SH3RF3: variants seen among roughly 807,000 people sequenced by gnomAD.
SH3RF3 encodes the protein SH3 domain containing ring finger 3, also known as E3 ubiquitin-protein ligase SH3RF3.
A neutral mutation model predicts 66.3 loss-of-function variants in SH3RF3; 29 were observed. That is an observed-to-expected ratio of 0.44 (90% CI 0.33 to 0.60). The LOEUF (loss-of-function observed/expected upper bound fraction) is 0.60, where lower values mean the gene tolerates loss of function less well. Among genes scored for constraint, SH3RF3 ranks in the 20% least tolerant of loss-of-function variants. SH3RF3 has a pLI of 0.04. For synonymous variants in SH3RF3, 583 were observed against 532.0 expected (o/e 1.10, Z -1.32); for missense variants, 1,194 against 1,190.9 (o/e 1.00, Z -0.04).
chr2:109,167,396 A>C (rs1370132343), intron 1 of SH3RF3, among the ~76,000 whole-genome samples: 2 of 152,198 alleles, frequency 1.3e-5, no homozygotes, highest in African/African-American at 4.8e-5. Flanking sequence ...TTGATATAAA[A>C]GTATTGGGGA....
At chr2:109,188,202 C>A (rs1449496328) in intron 1 of SH3RF3, among the ~76,000 whole-genome samples, 1 of 152,240 alleles carries the variant, frequency 6.6e-6, no homozygotes, top group Non-Finnish European at 1.5e-5. Context: ...GCCCGAAGGG[C>A]TTTCCTGCTG....
At chr2:109,206,186 A>G (rs565649174) in intron 1 of SH3RF3, among the ~76,000 whole-genome samples, 1 of 152,158 alleles carries the variant, frequency 6.6e-6, no homozygotes, top group African/African-American at 2.4e-5. Context: ...ATTTTTAACT[A>G]TGGTCGAGAT....
At chr2:109,156,311 T>C (rs1423606014) in intron 1 of SH3RF3, among the ~76,000 whole-genome samples, 1 of 152,234 alleles carries the variant, frequency 6.6e-6, no homozygotes, top group Non-Finnish European at 1.5e-5. Context: ...TCTCCGCCCC[T>C]CGCATCTTCC....
At chr2:109,460,173 C>T (rs905357380) in intron 8 of SH3RF3, among the ~76,000 whole-genome samples, 9 of 152,158 alleles carry the variant, frequency 5.9e-5, no homozygotes, top group African/African-American at 1.2e-4. Flanking sequence ...TGTGGAATAC[C>T]GTGATGGTGG....
intron 1 of SH3RF3, among the ~76,000 whole-genome samples, chr2:109,271,504 A>T (rs115239373): frequency 6.6e-6 from 1 of 152,370 alleles, no homozygotes; most frequent in Non-Finnish European, 1.5e-5. Context: ...CTTTGCTGTC[A>T]GCCAACATGA....
At chr2:109,173,320 C>G (rs1353824387) in intron 1 of SH3RF3, among the ~76,000 whole-genome samples, 1 of 152,130 alleles carries the variant, frequency 6.6e-6, no homozygotes, top group African/African-American at 2.4e-5. Context: ...TCCTCAGACT[C>G]TCCTTCCTGT....
chr2:109,155,255 A>G (rs1164390381), intron 1 of SH3RF3, among the ~76,000 whole-genome samples: 1 of 152,152 alleles, frequency 6.6e-6, no homozygotes, highest in Non-Finnish European at 1.5e-5. Flanking sequence ...GTATTTGTGG[A>G]ATAATTTTCC....
chr2:109,463,144 T>C (rs1402093205), intron 8 of SH3RF3, among the ~76,000 whole-genome samples: 2 of 152,240 alleles, frequency 1.3e-5, no homozygotes, highest in African/African-American at 4.8e-5. Context: ...GACTCTGTTT[T>C]GTGATTCAAG....
chr2:109,371,258 C>T (rs964176516), intron 2 of SH3RF3, among the ~76,000 whole-genome samples: 1 of 152,214 alleles, frequency 6.6e-6, no homozygotes, highest in African/African-American at 2.4e-5. Context: ...GGTGTGGTGG[C>T]ACACGCCTGT....
chr2:109,273,101 A>G (rs1301564161), intron 1 of SH3RF3, among the ~76,000 whole-genome samples: 1 of 152,248 alleles, frequency 6.6e-6, no homozygotes, highest in East Asian at 1.9e-4. Flanking sequence ...TTGAAGAGAT[A>G]CTGGTTCTTG....
intron 1 of SH3RF3, among the ~76,000 whole-genome samples, chr2:109,249,975 C>T (rs952089144): frequency 7.2e-5 from 11 of 152,038 alleles, no homozygotes; most frequent in South Asian, 4.2e-4. Context: ...TGAGCCACCG[C>T]GCCCGGCCTG....
chr2:109,398,980 T>A, intron 4 of SH3RF3, 37 bp downstream of exon 4: 1 of 1,563,290 alleles, frequency 6.4e-7, no homozygotes, highest in South Asian at 1.2e-5. Flanking sequence ...ATCCCTGGGT[T>A]CTCTGGGGTT....
intron 1 of SH3RF3, among the ~76,000 whole-genome samples, chr2:109,248,887 TTCCTGTCCTGTCCTGTCCTGTCCTG>T (rs149003864): frequency 5.5e-5 from 8 of 145,852 alleles, no homozygotes; most frequent in Admixed American, 6.9e-5. Context: ...TTCCTGTCCT[TTCCTGTCCTGTCCTGTCCTGTCCTG>T]TCCTGTCCTG....
At chr2:109,419,162 GCT>G (rs771562503) in intron 4 of SH3RF3, among the ~76,000 whole-genome samples, 32 of 152,146 alleles carry the variant, frequency 2.1e-4, no homozygotes, top group Non-Finnish European at 3.7e-4. Flanking sequence ...TTTTAAATAA[GCT>G]CTGTTTCATA....
At chr2:109,302,648 G>T (rs1681498262) in intron 1 of SH3RF3, among the ~76,000 whole-genome samples, 1 of 152,228 alleles carries the variant, frequency 6.6e-6, no homozygotes. Context: ...GCCAGGTCTG[G>T]CTCGGGATGG....
chr2:109,471,206 C>CAAAAAA (rs61224177), intron 8 of SH3RF3, among the ~76,000 whole-genome samples: 6 of 40,136 alleles, frequency 1.5e-4, no homozygotes, highest in East Asian at 7.3e-4. Flanking sequence ...GACTCTGTCT[C>CAAAAAA]AAAAAAAAAA....
intron 1 of SH3RF3, among the ~76,000 whole-genome samples, chr2:109,294,328 A>C (rs1181816199): frequency 6.6e-6 from 1 of 152,084 alleles, no homozygotes; most frequent in Non-Finnish European, 1.5e-5. Context: ...TGTGCAGCCA[A>C]GGCTGGTGGA....
chr2:109,373,999 G>A (rs1324392625), intron 3 of SH3RF3, among the ~76,000 whole-genome samples: 1 of 152,126 alleles, frequency 6.6e-6, no homozygotes, highest in Admixed American at 6.5e-5. Context: ...ACAAACTGGG[G>A]AGTCAGCCGC....
intron 7 of SH3RF3, among the ~76,000 whole-genome samples, chr2:109,444,099 A>G (rs1677643281): frequency 6.6e-6 from 1 of 152,214 alleles, no homozygotes; most frequent in Non-Finnish European, 1.5e-5. Flanking sequence ...ATAATAACAA[A>G]TATTTGATAT....
Sources: gnomAD v4.1 joint callset for allele counts (sites outside exome capture counted in the v4.1 genomes callset) on GRCh38, gnomAD v4.1.1 for gene constraint, MANE v1.5 for transcripts, NCBI Gene and HGNC (gene_info 2026-07-23, HGNC 2026-07-21) for gene names.